The following MIPOL1 variants were observed in gnomAD, a reference collection of about 807,000 sequenced individuals.
The protein encoded by MIPOL1 is mirror-image polydactyly 1, also known as mirror-image polydactyly gene 1 protein.
A neutral mutation model predicts 60.9 loss-of-function variants in MIPOL1; 57 were observed. The ratio of observed to expected loss-of-function variants is 0.94; its 90% CI spans 0.76 to 1.17. MIPOL1 has a LOEUF of 1.17. Ranked by LOEUF, MIPOL1 falls within the 50% of genes most tolerant of loss-of-function variation. The pLI, the probability that MIPOL1 is intolerant of heterozygous loss-of-function variation, is 0.00. For synonymous variants in MIPOL1, 179 were observed against 168.8 expected, an observed-to-expected ratio of 1.06 and a Z score of -0.47; for missense variants, 551 against 511.6, an observed-to-expected ratio of 1.08 and a Z score of -0.74.
rs1158016683 is a variant in MIPOL1 at position 37,460,092 on chromosome 14, TAATAA to T, written c.1031+37144_1031+37148del. The stretch of plus-strand genomic sequence containing the variant: ...ACTCCATCTCAAAATAATAGTAAAA[TAATAA>T]TAATAATAATAATAATAATAAAATT... On this transcript the variant is annotated intron_variant, in intron 11 of 12. Transcript: ENST00000684589. Among the ~76,000 whole-genome samples the T allele has an allele frequency of 7.9e-3, 19 of 2,402 alleles. 1 individual carries two copies. The highest frequency in any genetic ancestry group is 0.039 in the East Asian group (19 of 486). The allele number at this position is 2,402 out of a possible 152,430, so 1.6% of individuals were successfully genotyped here. A position where few individuals can be genotyped will look rare whatever the true frequency, so the allele number is the denominator to read the frequency against.
chr14:37,284,545 A>G (rs536972809), intron 6 of MIPOL1, among the ~76,000 whole-genome samples: 1 of 151,944 alleles, frequency 6.6e-6, no homozygotes, highest in East Asian at 2.0e-4. Context: ...GGGTTTCACC[A>G]TGTTAGCCGG....
chr14:37,234,263 A>T (rs1037094551), intron 1 of MIPOL1, among the ~76,000 whole-genome samples: 2 of 145,808 alleles, frequency 1.4e-5, no homozygotes, highest in African/African-American at 2.5e-5. Context: ...GGTCACGACA[A>T]TTTTTTTTTT....
At chr14:37,369,396 T>C (rs1430202611) in intron 9 of MIPOL1, 121 bp from the exon 10 acceptor site, 3 of 387,664 alleles carry the variant, frequency 7.7e-6, no homozygotes, top group African/African-American at 5.8e-5. Flanking sequence ...ACCATTCTTG[T>C]TGCAAAAAAA....
At chr14:37,297,826 A>C (rs964555625) in intron 7 of MIPOL1, among the ~76,000 whole-genome samples, 7 of 152,048 alleles carry the variant, frequency 4.6e-5, no homozygotes, top group African/African-American at 1.7e-4. Context: ...AAATGGAAGA[A>C]CATTCCATGC....
At chr14:37,367,131 G>T (rs1325477718) in intron 9 of MIPOL1, among the ~76,000 whole-genome samples, 2 of 151,948 alleles carry the variant, frequency 1.3e-5, no homozygotes, top group Admixed American at 6.6e-5. Flanking sequence ...TAGAGTGACA[G>T]TAATTAATAT....
chr14:37,502,707 C>G (rs1348090362), intron 12 of MIPOL1: 1 of 152,168 alleles, frequency 6.6e-6, no homozygotes, highest in Non-Finnish European at 1.5e-5. Context: ...ACCAGAGCAC[C>G]TCTTCTGTGC....
chr14:37,201,758 A>C (rs1449239511), intron 1 of MIPOL1, among the ~76,000 whole-genome samples: 2 of 152,126 alleles, frequency 1.3e-5, no homozygotes, highest in African/African-American at 4.8e-5. Context: ...GTATTGCCCA[A>C]AATTTTACTT....
At chr14:37,357,641 T>G (rs532423145) in intron 9 of MIPOL1, among the ~76,000 whole-genome samples, 3 of 152,128 alleles carry the variant, frequency 2.0e-5, no homozygotes, top group Non-Finnish European at 4.4e-5. Flanking sequence ...TTTGAGCTCC[T>G]TATATATCCT....
chr14:37,270,698 C>T (rs61988313), intron 6 of MIPOL1, among the ~76,000 whole-genome samples, 173 bp downstream of exon 6: 50 of 132,322 alleles, frequency 3.8e-4, no homozygotes, highest in Non-Finnish European at 6.0e-4. Context: ...CATCCTGGTA[C>T]TGGTATTAGT....
At position 37,550,133 on chromosome 14, in the gene MIPOL1, T is replaced by C. The variant is rs1041584359; in HGVS notation, c.*3162T>C. On this transcript the variant is annotated 3_prime_UTR_variant, in exon 13 of 13. Transcript: ENST00000684589. ...ATATTTTGCTAATTTTTTTCAATGA[T>C]AAAGTTGATCCTTTGTATATTTCCT... 17 of 151,642 alleles carry C rather than the reference T, an allele frequency of 1.1e-4. No homozygotes were observed. The highest frequency in any genetic ancestry group is 4.1e-4 in the African/African-American group (17 of 41,554). 9.4% of individuals were successfully genotyped at this position (151,642 alleles called of 1,614,324 possible). A position where few individuals can be genotyped will look rare whatever the true frequency, so the allele number is the denominator to read the frequency against.
rs1203123932 is a variant in MIPOL1, at chr14:37,545,571, G to T, written c.1263-1334G>T. On this transcript the variant is annotated intron_variant, in intron 12 of 12. Transcript: ENST00000684589. Reference sequence around the variant, plus strand: ...GTAGTAATAAACTTAGACAAGATTTGCCTTTTTACTCTAAGATCATTACTG... The same window carrying T: ...GTAGTAATAAACTTAGACAAGATTTTCCTTTTTACTCTAAGATCATTACTG... 99 of 513,276 alleles carry T rather than the reference G, an allele frequency of 1.9e-4. No individual in the cohort carries two copies. The East Asian group carries it at 3.2e-3, about 17-fold the overall frequency. The allele number at this position is 513,276 out of a possible 1,614,324, so 31.8% of individuals were successfully genotyped here.
intron 9 of MIPOL1, among the ~76,000 whole-genome samples, chr14:37,359,155 G>A (rs986604947): frequency 1.8e-4 from 28 of 152,064 alleles, no homozygotes; most frequent in African/African-American, 6.5e-4. Context: ...GGTGTGTGGT[G>A]TTACTTCTGA....
chr14:37,407,856 T>TC (rs2093617453), intron 10 of MIPOL1, among the ~76,000 whole-genome samples: 1 of 124,770 alleles, frequency 8.0e-6, no homozygotes, highest in African/African-American at 3.1e-5. Flanking sequence ...TTTTTTTTTT[T>TC]TTTTTTTTTT....
intron 10 of MIPOL1, among the ~76,000 whole-genome samples, chr14:37,403,162 T>G (rs2093519094): frequency 6.6e-6 from 1 of 152,188 alleles, no homozygotes; most frequent in African/African-American, 2.4e-5. Flanking sequence ...AGAATAATTA[T>G]ATGGCCTAAT....
intron 9 of MIPOL1, among the ~76,000 whole-genome samples, chr14:37,317,313 A>G (rs868587293): frequency 2.6e-5 from 4 of 152,212 alleles, no homozygotes; most frequent in East Asian, 3.8e-4. Context: ...ATAAATGAAC[A>G]TAACTAGAGA....
chr14:37,495,911 C>G (rs1439386318), intron 11 of MIPOL1, among the ~76,000 whole-genome samples: 1 of 147,886 alleles, frequency 6.8e-6, no homozygotes, highest in Non-Finnish European at 1.5e-5. Flanking sequence ...TGTTTTTTGG[C>G]TGCATAAATG....
At chr14:37,486,185 A>G (rs1191928750) in intron 11 of MIPOL1, among the ~76,000 whole-genome samples, 2 of 152,120 alleles carry the variant, frequency 1.3e-5, no homozygotes, top group African/African-American at 4.8e-5. Context: ...GTTCTGTTTC[A>G]TTCGTCTATA....
At position 37,547,002 on chromosome 14, in the gene MIPOL1, TC is replaced by T. The variant is rs768262699; in HGVS notation, c.*32del. On this transcript the variant is annotated 3_prime_UTR_variant, in exon 13 of 13. Transcript: ENST00000684589. The stretch of plus-strand genomic sequence containing the variant: ...AAAAAACGACAGTCTGGGGAAGCGA[TC>T]ACATCTGGTGACCAGGCTGCTTCAT... The T allele has an allele frequency of 6.3e-6, 10 of 1,593,098 alleles. No homozygotes were observed. The highest frequency in any genetic ancestry group is 8.6e-6 in the Non-Finnish European group (10 of 1,161,602).
chr14:37,213,542 TA>T (rs1159260252), intron 1 of MIPOL1, among the ~76,000 whole-genome samples: 4 of 151,448 alleles, frequency 2.6e-5, no homozygotes, highest in African/African-American at 7.3e-5. Flanking sequence ...GAAAAAAGAA[TA>T]AAAAAACAAT....
Sources: allele counts gnomAD v4.1 joint callset (sites outside exome capture counted in the v4.1 genomes callset), GRCh38; gene constraint gnomAD v4.1.1; transcripts MANE v1.5; gene names NCBI Gene and HGNC (gene_info 2026-07-23, HGNC 2026-07-21).